Variants in DCDC2 observed in about 807,000 individuals in gnomAD.
The protein encoded by DCDC2 is doublecortin domain containing 2, also known as doublecortin domain-containing protein 2.
A neutral mutation model predicts 50.2 loss-of-function variants in DCDC2; 40 were observed. That is an observed-to-expected ratio of 0.80 (90% CI 0.62 to 1.04). The LOEUF (loss-of-function observed/expected upper bound fraction) is 1.04. DCDC2 is among the 50% of genes least tolerant of loss of function. The probability of loss-of-function intolerance (pLI) is 0.00; values close to 1 mark genes in which losing one functional copy is unlikely to be tolerated. For missense variants in DCDC2, 570 were observed against 581.9 expected, an observed-to-expected ratio of 0.98 and a Z score of 0.21; for synonymous variants, 234 against 210.6, an observed-to-expected ratio of 1.11 and a Z score of -0.96.
the DCDC2 span, among the ~76,000 whole-genome samples, chr6:24,369,890 A>G: frequency 2.0e-5 from 3 of 151,888 alleles, no homozygotes; most frequent in East Asian, 5.9e-4. Flanking sequence ...AATTACAAAA[A>G]AAATAGCCGG....
At chr6:24,351,502 C>T (rs1024944444) in intron 2 of DCDC2, among the ~76,000 whole-genome samples, 1 of 152,150 alleles carries the variant, frequency 6.6e-6, no homozygotes, top group African/African-American at 2.4e-5. Flanking sequence ...TCTCTCTTTC[C>T]ATCTCCTTTA....
chr6:24,256,166 A>G (rs1762893551), intron 7 of DCDC2, among the ~76,000 whole-genome samples: 1 of 152,198 alleles, frequency 6.6e-6, no homozygotes, highest in South Asian at 2.1e-4. Flanking sequence ...TTAAAAGTTT[A>G]AAACAAGAAA....
intron 1 of DCDC2, among the ~76,000 whole-genome samples, chr6:24,354,239 T>C (rs1179788636): frequency 3.3e-5 from 5 of 152,188 alleles, no homozygotes; most frequent in African/African-American, 7.2e-5. Context: ...AAGCACAACC[T>C]GAAAACTGTA....
chr6:24,330,993 C>T (rs1395522741), intron 2 of DCDC2, among the ~76,000 whole-genome samples: 1 of 151,808 alleles, frequency 6.6e-6, no homozygotes, highest in Admixed American at 6.6e-5. Flanking sequence ...AAAAAGAAGG[C>T]AAAAAAATGA....
At chr6:24,273,806 G>A (rs1763292619) in intron 7 of DCDC2, among the ~76,000 whole-genome samples, 1 of 152,232 alleles carries the variant, frequency 6.6e-6, no homozygotes, top group Non-Finnish European at 1.5e-5. Context: ...TGTGCAGGTT[G>A]TAGCTATTAA....
chr6:24,359,216 ATATATTT>A (rs1760588967), upstream of DCDC2, among the ~76,000 whole-genome samples: 4 of 67,654 alleles, frequency 5.9e-5, no homozygotes, highest in South Asian at 1.3e-3. Flanking sequence ...TTTATATATT[ATATATTT>A]TATATATTTT....
intron 7 of DCDC2, among the ~76,000 whole-genome samples, chr6:24,235,192 G>T (rs73394032): frequency 0.12 from 18,834 of 152,128 alleles, 1,526 homozygotes; most frequent in East Asian, 0.36. Context: ...TTCAGATTGA[G>T]GGGGGCCACA....
intron 7 of DCDC2, among the ~76,000 whole-genome samples, chr6:24,275,097 T>C (rs1429174833): frequency 3.3e-5 from 5 of 152,228 alleles, no homozygotes; most frequent in Non-Finnish European, 7.4e-5. Flanking sequence ...CAAATTCTTA[T>C]TGCTTTTACC....
chr6:24,350,596 G>A (rs1760350630), intron 2 of DCDC2, among the ~76,000 whole-genome samples: 1 of 152,120 alleles, frequency 6.6e-6, no homozygotes, highest in Non-Finnish European at 1.5e-5. Context: ...ATTTTGGTGA[G>A]TAAGTTATTT....
At chr6:24,290,457 T>C (rs2113830060) in intron 5 of DCDC2, among the ~76,000 whole-genome samples, 1 of 152,316 alleles carries the variant, frequency 6.6e-6, no homozygotes, top group South Asian at 2.1e-4. Flanking sequence ...ATCCTCTCTA[T>C]TTGCATAAGT....
intron 2 of DCDC2, among the ~76,000 whole-genome samples, chr6:24,326,181 G>GGAA (rs1184276333): frequency 1.4e-5 from 2 of 143,058 alleles, no homozygotes; most frequent in Non-Finnish European, 3.1e-5. Flanking sequence ...AAGGAAGGAA[G>GGAA]GAAGGAAGGA....
Position 24,174,787 on chromosome 6 carries a change from G to A in DCDC2, c.1374C>T (p.Thr458=). The change falls in exon 10 of 10, where the codon ACC becomes ACT. Residue 458 remains threonine, a synonymous_variant. Coordinates refer to ENST00000378454, the MANE Select transcript of DCDC2 (RefSeq NM_016356.5). ...QRPPRPEVKI[T]SPEENENNQQ... ...GGTTGTTTTCATTTTCTTCTGGACTGGTAATTTTTACTTCTGGCCTTGGTG... is the reference window on the plus strand; with the variant it reads ...GGTTGTTTTCATTTTCTTCTGGACTAGTAATTTTTACTTCTGGCCTTGGTG... 6.2e-7 allele frequency: 1 copy of A among 1,613,502 alleles called. No individual in the cohort carries two copies. The highest frequency in any genetic ancestry group is 8.5e-7 in the Non-Finnish European group (1 of 1,179,754).
intron 8 of DCDC2, among the ~76,000 whole-genome samples, chr6:24,198,182 A>C (rs1359710331): frequency 6.6e-6 from 1 of 152,220 alleles, no homozygotes; most frequent in African/African-American, 2.4e-5. Context: ...AGGCAAGAAT[A>C]TACTGGCATT....
intron 2 of DCDC2, among the ~76,000 whole-genome samples, chr6:24,320,194 G>A (rs1337182934): frequency 1.3e-5 from 2 of 152,224 alleles, no homozygotes; most frequent in Non-Finnish European, 2.9e-5. Flanking sequence ...TGTGGATGAT[G>A]AGAGTAGGGT....
intron 7 of DCDC2, among the ~76,000 whole-genome samples, chr6:24,244,839 T>G (rs940774101): frequency 3.3e-5 from 5 of 152,198 alleles, no homozygotes; most frequent in African/African-American, 1.2e-4. Context: ...CATAATGGAT[T>G]GAGGTGACAC....
intron 8 of DCDC2, among the ~76,000 whole-genome samples, chr6:24,183,894 T>C (rs1761136960): frequency 1.3e-5 from 2 of 152,280 alleles, no homozygotes; most frequent in South Asian, 4.1e-4. Flanking sequence ...CATAGAGACT[T>C]CTACAACTCT....
At chr6:24,185,714 C>T (rs1215839174) in intron 8 of DCDC2, among the ~76,000 whole-genome samples, 2 of 140,676 alleles carry the variant, frequency 1.4e-5, no homozygotes, top group African/African-American at 5.3e-5. Flanking sequence ...CACACACACA[C>T]ACACACACAC....
At chr6:24,373,816 T>C in the DCDC2 span, among the ~76,000 whole-genome samples, 1 of 152,130 alleles carries the variant, frequency 6.6e-6, no homozygotes, top group Non-Finnish European at 1.5e-5. Context: ...AAAAAGAAGA[T>C]GAATAAGCTA....
chr6:24,242,297 T>C (rs1489735389), intron 7 of DCDC2, among the ~76,000 whole-genome samples: 1 of 152,138 alleles, frequency 6.6e-6, no homozygotes, highest in African/African-American at 2.4e-5. Flanking sequence ...CCCTTTGAGC[T>C]CTGTGTTTGG....
Sources: allele counts gnomAD v4.1 joint callset (sites outside exome capture counted in the v4.1 genomes callset), GRCh38; gene constraint gnomAD v4.1.1; transcripts MANE v1.5; gene names NCBI Gene and HGNC (gene_info 2026-07-23, HGNC 2026-07-21).